Variants in USP25 observed in about 807,000 individuals in gnomAD.
USP25 encodes the protein ubiquitin carboxyl-terminal hydrolase 25.
In USP25, 85 loss-of-function variants were observed where a neutral mutation model predicts 158.5. The ratio of observed to expected loss-of-function variants is 0.54; its 90% confidence interval spans 0.45 to 0.64. The LOEUF (loss-of-function observed/expected upper bound fraction) is 0.64. Ranked by LOEUF, USP25 falls within the 30% of genes least tolerant of loss-of-function variation. The probability of loss-of-function intolerance (pLI) is 0.00; values close to 1 mark genes in which losing one functional copy is unlikely to be tolerated. For synonymous variants in USP25, 464 were observed against 460.4 expected, an observed-to-expected ratio of 1.01 and a Z score of -0.10; for missense variants, 1,242 against 1,327.3, an observed-to-expected ratio of 0.94 and a Z score of 1.00.
intron 4 of USP25, among the ~76,000 whole-genome samples, chr21:15,780,995 A>G (rs1472890736): frequency 6.6e-6 from 1 of 152,206 alleles, no homozygotes; most frequent in Non-Finnish European, 1.5e-5. Flanking sequence ...ATTATAGATG[A>G]TCTGGAAAAG....
chr21:15,833,124 A>T (rs1192938286), intron 16 of USP25, among the ~76,000 whole-genome samples: 3 of 152,160 alleles, frequency 2.0e-5, no homozygotes, highest in African/African-American at 7.2e-5. Flanking sequence ...CCTATGATGG[A>T]TTATCAAATA....
At chr21:15,876,087 A>G (rs1239685844) in intron 24 of USP25, 2 of 152,194 alleles carry the variant, frequency 1.3e-5, no homozygotes, top group African/African-American at 4.8e-5. Flanking sequence ...CAAAGCTGCC[A>G]AACTTACTAG....
At position 15,765,114 on chromosome 21, in the gene USP25, C is replaced by T. The variant is rs569102729; in HGVS notation, c.124-883C>T. On this transcript the variant is annotated intron_variant, in intron 2 of 25. Coordinates refer to ENST00000400183, the MANE Select transcript of USP25 (RefSeq NM_001283041.3). ...ACACTCCACTGGCTTCTTATTACAC[C>T]CGTGTGCATGTCTAAGTTCTTAGGG... Among the ~76,000 whole-genome samples the T allele has an allele frequency of 1.3e-4, 20 of 152,162 alleles. No homozygotes were observed. In the South Asian group the frequency reaches 3.9e-3, roughly 30 times the overall value.
intron 1 of USP25, among the ~76,000 whole-genome samples, chr21:15,756,133 C>G (rs75383543): frequency 1.1e-4 from 16 of 152,220 alleles, no homozygotes; most frequent in Non-Finnish European, 1.5e-4. Flanking sequence ...ATGGTATGCC[C>G]AGGTGCATGG....
intron 17 of USP25, among the ~76,000 whole-genome samples, chr21:15,835,236 T>C (rs536680612): frequency 6.6e-6 from 1 of 152,224 alleles, no homozygotes; most frequent in Non-Finnish European, 1.5e-5. Context: ...TCCAGTTTTA[T>C]TCTTGGCTCA....
chr21:15,813,047 C>T (rs2036752458), intron 9 of USP25, among the ~76,000 whole-genome samples: 1 of 151,114 alleles, frequency 6.6e-6, no homozygotes. Flanking sequence ...CCTCCCTGTT[C>T]TCTAACCTTC....
rs145029756 is a variant in USP25 at position 15,799,793 on chromosome 21, C to T, written c.592C>T (p.Leu198=). The T allele has an allele frequency of 2.8e-3, 4,425 of 1,601,334 alleles. 8 individuals are homozygous for T. Among genetic ancestry groups the T allele is most frequent in the Non-Finnish European group, 3.3e-3 (3,899 of 1,173,874 alleles). The stretch of plus-strand genomic sequence containing the variant: ...TCTTTTGGAATTTAGAAGATTAGTT[C>T]TGAATTACAAGCCTCCATCAAATGC... ...FNLLEFRRLV[L]NYKPPSNAQD... is the part of the protein sequence containing the mutation. Residue 198 remains leucine (L), a synonymous_variant, in exon 6 of 26, where the codon CTG becomes TTG. Transcript: ENST00000400183.
At chr21:15,812,013 A>G (rs2036685067) in intron 9 of USP25, among the ~76,000 whole-genome samples, 2 of 152,120 alleles carry the variant, frequency 1.3e-5, no homozygotes, top group African/African-American at 2.4e-5. Flanking sequence ...TCAGAAAAAG[A>G]CAATACTAAC....
intron 20 of USP25, among the ~76,000 whole-genome samples, chr21:15,859,491 GGCC>G (rs2039319714): frequency 6.6e-6 from 1 of 152,024 alleles, no homozygotes; most frequent in African/African-American, 2.4e-5. Context: ...CACTGCGCCC[GGCC>G]GCTTTCTCTT....
Position 15,762,879 on chromosome 21 carries a change from T to C in USP25, c.46-12T>C. On this transcript the variant is annotated splice_polypyrimidine_tract_variant and intron_variant, in intron 1 of 25. Coordinates refer to ENST00000400183, the MANE Select transcript of USP25 (RefSeq NM_001283041.3). ...TGAGAATATAATGATTTTGGGTTTT[T>C]CCTCCCTCTAGCACCAGCAGACGTT... is the stretch of plus-strand genomic sequence containing the variant. 1.2e-6 allele frequency: 2 copies of C among 1,606,366 alleles called. No homozygotes were observed. The highest frequency in any genetic ancestry group is 1.7e-6 in the Non-Finnish European group (2 of 1,177,110).
intron 18 of USP25, among the ~76,000 whole-genome samples, chr21:15,844,710 A>G (rs1185568480): frequency 6.6e-6 from 1 of 152,174 alleles, no homozygotes; most frequent in African/African-American, 2.4e-5. Context: ...GACCCTGAGA[A>G]AAAGTCATGC....
intron 5 of USP25, among the ~76,000 whole-genome samples, chr21:15,795,937 G>A (rs1430624526): frequency 6.6e-6 from 1 of 151,250 alleles, no homozygotes; most frequent in East Asian, 1.9e-4. Flanking sequence ...CTCCACTGTA[G>A]GCAGTTTATG....
At chr21:15,783,106 A>T (rs988078763) in intron 4 of USP25, among the ~76,000 whole-genome samples, 9 of 151,966 alleles carry the variant, frequency 5.9e-5, no homozygotes, top group African/African-American at 1.2e-4. Context: ...GAATGAAATT[A>T]AAAAAAATAC....
chr21:15,871,947 C>T (rs888842457), intron 23 of USP25, among the ~76,000 whole-genome samples: 7 of 148,516 alleles, frequency 4.7e-5, no homozygotes, highest in African/African-American at 7.5e-5. Flanking sequence ...GCCAAGATCG[C>T]GCCACTGCAC....
intron 4 of USP25, among the ~76,000 whole-genome samples, chr21:15,786,603 T>C (rs560686824): frequency 6.6e-6 from 1 of 152,114 alleles, no homozygotes; most frequent in South Asian, 2.1e-4. Flanking sequence ...TCAAAATAGA[T>C]ATAGAAAGTA....
chr21:15,773,724 C>A (rs1389800891), intron 3 of USP25, among the ~76,000 whole-genome samples: 1 of 152,084 alleles, frequency 6.6e-6, no homozygotes, highest in Non-Finnish European at 1.5e-5. Context: ...AACCTCAGAG[C>A]TTTTGGGTAC....
At chr21:15,780,111 ACTCCT>A (rs2034883566) in intron 4 of USP25, among the ~76,000 whole-genome samples, 3 of 152,088 alleles carry the variant, frequency 2.0e-5, no homozygotes, top group Non-Finnish European at 4.4e-5. Context: ...AAGTAAATTA[ACTCCT>A]TCTTCATTAC....
chr21:15,872,702 A>G (rs2146597856), intron 23 of USP25, among the ~76,000 whole-genome samples: 1 of 152,358 alleles, frequency 6.6e-6, no homozygotes, highest in South Asian at 2.1e-4. Flanking sequence ...CAAAAAATGT[A>G]TAAAATAGAC....
In USP25 at chr21:15,878,518, T is replaced by C. The variant is rs1462325115; in HGVS notation, c.*43T>C. ...AACACACTGTATAAACTCTTTTTAG[T>C]TCTTAACCCTTGCCTTCCTGTCACA... On this transcript the variant is annotated 3_prime_UTR_variant, in exon 26 of 26. Transcript: ENST00000400183. 3.4e-5 allele frequency: 53 copies of C among 1,553,036 alleles called. No homozygotes were observed. Among genetic ancestry groups the C allele is most frequent in the Non-Finnish European group, 4.6e-5 (53 of 1,146,460 alleles).
Sources: allele counts gnomAD v4.1 joint callset (sites outside exome capture counted in the v4.1 genomes callset), GRCh38; gene constraint gnomAD v4.1.1; transcripts MANE v1.5; gene names NCBI Gene and HGNC (gene_info 2026-07-23, HGNC 2026-07-21).